Variants in RBM5 observed in about 807,000 individuals in gnomAD.
RBM5 encodes RNA-binding protein 5.
RBM5 carries 15 observed loss-of-function variants against 124.6 expected under a neutral mutation model. That is an observed-to-expected ratio of 0.12 (90% CI 0.08 to 0.19). The LOEUF (loss-of-function observed/expected upper bound fraction) is 0.19. RBM5 is among the 10% of genes least tolerant of loss of function. The pLI is 1.00. For missense variants in RBM5, 580 were observed against 1,026.5 expected (o/e 0.57, Z 5.94); for synonymous variants, 337 against 361.2 (o/e 0.93, Z 0.76).
rs1282292342 is a variant in RBM5, at chr3:50,108,290, C to T, written c.1178C>T (p.Ala393Val). 1.9e-6 allele frequency: 3 copies of T among 1,610,026 alleles called. No homozygotes were observed. Among genetic ancestry groups the T allele is most frequent in the Non-Finnish European group, 1.7e-6 (2 of 1,176,192 alleles). ...CAAGCTGGAGGATTGGAATCTGATG[C>T]ATCATCTGCATCAGGTAGTAAACTT... ...QQQAGGLESDASSASGTAVTT... is the reference protein window; with the variant it reads ...QQQAGGLESDVSSASGTAVTT... Residue 393 changes from alanine (A) to valine (V), a missense_variant, in exon 14 of 25, where the codon GCA (alanine) becomes GTA (valine). By Grantham distance (64) the Ala-to-Val change is moderately conservative. Around this residue, in one of 6 missense-constraint regions of RBM5, gnomAD observed 104 missense variants for 128.7 expected, o/e 0.81. Transcript: ENST00000347869.
Position 50,100,479 on chromosome 3 carries a change from T to C in RBM5, c.410-53T>C, listed in dbSNP as rs1473302294. On this transcript the variant is annotated intron_variant, in intron 5 of 24. Coordinates refer to ENST00000347869, the MANE Select transcript of RBM5 (RefSeq NM_005778.4). The surrounding 1 kb of genome is among the most constrained non-coding windows in gnomAD (Gnocchi z 5.1). ...CAGTGGGAGAGAGATTCACCTGTTATAAAGGAACTGACTAACACAAGTATC... is the reference window on the plus strand; with the variant it reads ...CAGTGGGAGAGAGATTCACCTGTTACAAAGGAACTGACTAACACAAGTATC... 2.7e-6 allele frequency: 4 copies of C among 1,456,656 alleles called. No individual in the cohort carries two copies. The highest frequency in any genetic ancestry group is 2.3e-5 in the East Asian group (1 of 43,936). 90.2% of individuals were successfully genotyped at this position (1,456,656 alleles called of 1,614,324 possible).
At chr3:50,102,341 T>C (rs1313898646) in intron 6 of RBM5, 2 of 152,218 alleles carry the variant, frequency 1.3e-5, no homozygotes, top group African/African-American at 4.8e-5. Context: ...TGTGCATTTA[T>C]GAGCTTTTCC....
chr3:50,105,789 T>A, intron 10 of RBM5, 80 bp downstream of exon 10: 1 of 1,473,670 alleles, frequency 6.8e-7, no homozygotes, highest in Non-Finnish European at 9.2e-7. Context: ...TTTGAAACTG[T>A]CTGAGGCTCC....
intron 6 of RBM5, chr3:50,101,160 C>T (rs1390589363): frequency 1.3e-5 from 2 of 152,116 alleles, no homozygotes; most frequent in African/African-American, 4.8e-5. Context: ...GTTAGAGTGG[C>T]ATTAACATTC....
chr3:50,092,539 G>C (rs748676554), intron 3 of RBM5, among the ~76,000 whole-genome samples: 51 of 149,088 alleles, frequency 3.4e-4, no homozygotes, highest in Non-Finnish European at 6.5e-4. Context: ...TCCAGCATGG[G>C]TGACAAAGCA....
chr3:50,110,419 C>A lies in RBM5; in HGVS notation c.1319C>A (p.Ala440Asp), dbSNP rs2091121198. Residue 440 changes from alanine (A) to aspartate (D), a missense_variant, in exon 16 of 25, where the codon GCC (alanine) becomes GAC (aspartate). By Grantham distance (126) the Ala-to-Asp change is moderately radical (BLOSUM62 -2). This residue lies in a region of RBM5 where 104 missense variants were observed against 128.7 expected (regional missense o/e 0.81). Transcript: ENST00000347869. ...CCTAGCACTAGCACAAGTACACAGG[C>A]CCCAGCCGCTTCCCCTACTGGTGTA... ...AQPSTSTSTQ[A>D]PAASPTGVVP... 1.9e-6 allele frequency: 3 copies of A among 1,614,030 alleles called. No individual in the cohort carries two copies. The South Asian group carries it at 3.3e-5, about 18-fold the overall frequency.
intron 14 of RBM5, among the ~76,000 whole-genome samples, chr3:50,108,754 A>G (rs1331928708): frequency 6.6e-6 from 1 of 152,288 alleles, no homozygotes; most frequent in African/African-American, 2.4e-5. Context: ...GGCTGTCATC[A>G]TGTACCCAAG....
chr3:50,115,193 C>T (rs2091223808), intron 20 of RBM5: 5 of 476,988 alleles, frequency 1.0e-5, no homozygotes, highest in Non-Finnish European at 1.8e-5. Flanking sequence ...AGGTAGTCAC[C>T]CAGGAATCCA....
intron 8 of RBM5, 107 bp from the exon 9 acceptor site, chr3:50,104,970 A>G: frequency 2.3e-6 from 2 of 860,756 alleles, no homozygotes; most frequent in Middle Eastern, 2.4e-4. Context: ...AAAGAAAAAA[A>G]CGATTGTTTT....
chr3:50,118,638 G>A lies in RBM5; in HGVS notation c.*182G>A, dbSNP rs1026439028. The A allele has an allele frequency of 1.2e-4, 116 of 940,472 alleles. No homozygotes were observed. The highest frequency in any genetic ancestry group is 1.2e-4 in the Non-Finnish European group (76 of 643,056). The allele number at this position is 940,472 out of a possible 1,614,324, so 58.3% of individuals were successfully genotyped here. ...AAGTTCCCCTTATGTGGGTTGCCTG[G>A]TGAATGGCCTTCCTTCCCGCCAGAG... is the stretch of plus-strand genomic sequence containing the variant. On this transcript the variant is annotated 3_prime_UTR_variant, in exon 25 of 25. Coordinates refer to ENST00000347869, the MANE Select transcript of RBM5 (RefSeq NM_005778.4).
chr3:50,093,589 C>A, intron 3 of RBM5, 131 bp from the exon 4 acceptor site: 1 of 973,906 alleles, frequency 1.0e-6, no homozygotes, highest in Non-Finnish European at 1.4e-6. Context: ...AAAAAAATTG[C>A]AGTGAACATT....
chr3:50,118,671 G>A lies in RBM5; in HGVS notation c.*215G>A. 3.0e-6 allele frequency: 2 copies of A among 662,676 alleles called. No homozygotes were observed. The highest frequency in any genetic ancestry group is 5.1e-6 in the Non-Finnish European group (2 of 394,370). 41.0% of individuals were successfully genotyped at this position (662,676 alleles called of 1,614,324 possible). ...CCTTCCTTCCCGCCAGAGGGCTTGT[G>A]AACAGACCGGAGAGGACAGTGGATT... is the stretch of plus-strand genomic sequence containing the variant. On this transcript the variant is annotated 3_prime_UTR_variant, in exon 25 of 25. Coordinates refer to ENST00000347869, the MANE Select transcript of RBM5 (RefSeq NM_005778.4).
At chr3:50,094,026 A>T (rs11130241) in intron 4 of RBM5, 151 bp downstream of exon 4, 326,351 of 662,314 alleles carry the variant, frequency 0.49, 81,474 homozygotes, top group East Asian at 0.8. Context: ...CTGTTTTGAT[A>T]TTTTTTTTTA....
intron 12 of RBM5, among the ~76,000 whole-genome samples, chr3:50,107,842 A>G (rs753491365): frequency 2.0e-5 from 3 of 150,810 alleles, no homozygotes; most frequent in Non-Finnish European, 4.4e-5. Flanking sequence ...ACCTGCCACC[A>G]CGCCTGGCTA....
intron 11 of RBM5, 96 bp downstream of exon 11, chr3:50,106,960 G>A: frequency 2.9e-6 from 3 of 1,052,150 alleles, no homozygotes; most frequent in Non-Finnish European, 4.4e-6. Flanking sequence ...AGTATGTTGA[G>A]ACACTGTGAT....
rs190606791 is a variant in RBM5 at position 50,107,710 on chromosome 3, G to A, written c.1041+141G>A. 3.0e-4 allele frequency: 109 copies of A among 359,388 alleles called. 1 individual carries two copies. Among genetic ancestry groups the A allele is most frequent in the Admixed American group, 1.2e-3 (16 of 13,802 alleles). 22.3% of individuals were successfully genotyped at this position (359,388 alleles called of 1,614,324 possible). ...TTTTTTTTTTTTTTTTTTTGAGACAGAGTATCACTCTCGTCACCCGGGCTG... is the reference window on the plus strand; with the variant it reads ...TTTTTTTTTTTTTTTTTTTGAGACAAAGTATCACTCTCGTCACCCGGGCTG... On this transcript the variant is annotated intron_variant, in intron 12 of 24. Coordinates refer to ENST00000347869, the MANE Select transcript of RBM5 (RefSeq NM_005778.4).
At chr3:50,097,920 G>C (rs2090853891) in intron 4 of RBM5, among the ~76,000 whole-genome samples, 1 of 152,156 alleles carries the variant, frequency 6.6e-6, no homozygotes. Flanking sequence ...GGGCAACATG[G>C]TGAAACCCCT....
intron 7 of RBM5, among the ~76,000 whole-genome samples, chr3:50,103,878 T>C (rs2090986710): frequency 6.6e-6 from 1 of 152,204 alleles, no homozygotes; most frequent in Non-Finnish European, 1.5e-5. Context: ...GTGTCCCCTG[T>C]CCAGTAGGGG....
chr3:50,097,241 A>C (rs2090836125), intron 4 of RBM5, among the ~76,000 whole-genome samples: 4 of 152,070 alleles, frequency 2.6e-5, no homozygotes, highest in African/African-American at 9.7e-5. Context: ...TAAAACTACA[A>C]AAAAATTAGC....
Sources: allele counts gnomAD v4.1 joint callset (sites outside exome capture counted in the v4.1 genomes callset), GRCh38; gene constraint gnomAD v4.1.1; regional missense constraint gnomAD v4.1.1; non-coding constraint Gnocchi (gnomAD v3.1); transcripts MANE v1.5; gene names NCBI Gene and HGNC (gene_info 2026-07-23, HGNC 2026-07-21).